RAD51B: variants seen among roughly 807,000 people sequenced by gnomAD.
RAD51B encodes DNA repair protein RAD51 homolog 2.
In RAD51B, 38 loss-of-function variants were observed where a neutral mutation model predicts 42.2. The ratio of observed to expected loss-of-function variants is 0.90; its 90% CI spans 0.70 to 1.18. The LOEUF (loss-of-function observed/expected upper bound fraction) is 1.18, where lower values mean the gene tolerates loss of function less well. RAD51B is among the 50% of genes most tolerant of loss of function. The pLI is 0.00. For synonymous variants in RAD51B, 154 were observed against 145.2 expected, an observed-to-expected ratio of 1.06 and a Z score of -0.43; for missense variants, 373 against 400.7, an observed-to-expected ratio of 0.93 and a Z score of 0.59.
At chr14:68,596,805 G>T (rs1169815025), downstream of RAD51B, among the ~76,000 whole-genome samples, 2 of 152,232 alleles carry the variant, frequency 1.3e-5, no homozygotes, top group Non-Finnish European at 2.9e-5. Flanking sequence ...ACAGCACTGC[G>T]AATGTTCCAG....
chr14:67,938,633 G>A (rs574879741), intron 7 of RAD51B, among the ~76,000 whole-genome samples: 1 of 152,220 alleles, frequency 6.6e-6, no homozygotes, highest in African/African-American at 2.4e-5. Context: ...CAGTCATTTT[G>A]TGTATAGTTT....
At chr14:67,990,765 T>A (rs926132170) in intron 7 of RAD51B, among the ~76,000 whole-genome samples, 1 of 152,212 alleles carries the variant, frequency 6.6e-6, no homozygotes, top group African/African-American at 2.4e-5. Flanking sequence ...GGATTTTTTT[T>A]AACTAAAAAT....
At chr14:68,158,799 A>G (rs1030587591) in intron 7 of RAD51B, among the ~76,000 whole-genome samples, 21 of 152,150 alleles carry the variant, frequency 1.4e-4, no homozygotes, top group Non-Finnish European at 2.6e-4. Flanking sequence ...TTTAATTTCT[A>G]TATCTGCTGA....
intron 5 of RAD51B, among the ~76,000 whole-genome samples, chr14:67,870,276 G>A (rs1391824783): frequency 6.6e-6 from 1 of 152,024 alleles, no homozygotes; most frequent in Admixed American, 6.6e-5. Context: ...AAAAGGCAGG[G>A]GTTGCAATCC....
intron 8 of RAD51B, among the ~76,000 whole-genome samples, chr14:68,327,371 T>TTG (rs1163706307): frequency 3.8e-5 from 3 of 78,458 alleles, no homozygotes; most frequent in African/African-American, 1.2e-4. Context: ...TTCAGTTTGT[T>TTG]TTTTTTTGTT....
intron 9 of RAD51B, among the ~76,000 whole-genome samples, chr14:68,443,012 C>T (rs1038342757): frequency 5.9e-5 from 9 of 152,190 alleles, no homozygotes; most frequent in Non-Finnish European, 1.2e-4. Flanking sequence ...CCCTGTGTTC[C>T]ACTCTCCCAG....
intron 7 of RAD51B, among the ~76,000 whole-genome samples, chr14:67,928,317 T>G (rs1259815397): frequency 1.3e-5 from 2 of 152,052 alleles, no homozygotes; most frequent in Non-Finnish European, 2.9e-5. Flanking sequence ...GTGGAGTGAT[T>G]TTAAGGAGCG....
chr14:67,991,552 A>G lies in RAD51B; in HGVS notation c.756+104348A>G, dbSNP rs551279952. Reference sequence around the variant, plus strand: ...GTTATGTTGTTATGCAGCTGGCTGAACAGCCATCTGAAAGAGTGATATTTA... The same window carrying G: ...GTTATGTTGTTATGCAGCTGGCTGAGCAGCCATCTGAAAGAGTGATATTTA... On this transcript the variant is annotated intron_variant, in intron 7 of 10. Coordinates refer to ENST00000471583, the MANE Select transcript of RAD51B (RefSeq NM_133510.4). Among the ~76,000 whole-genome samples, 4 of 152,348 alleles carry G rather than the reference A, an allele frequency of 2.6e-5. No individual in the cohort carries two copies. The East Asian group carries it at 7.7e-4, about 29-fold the overall frequency.
At chr14:68,083,134 T>C (rs1304077483) in intron 7 of RAD51B, among the ~76,000 whole-genome samples, 1 of 152,208 alleles carries the variant, frequency 6.6e-6, no homozygotes, top group Non-Finnish European at 1.5e-5. Flanking sequence ...CAAATAGCGT[T>C]CATGAAAACG....
chr14:68,672,149 C>T (rs1296852042), intron 11 of RAD51B, among the ~76,000 whole-genome samples: 1 of 152,194 alleles, frequency 6.6e-6, no homozygotes. Context: ...GCTGGATATC[C>T]TGAGACCCAG....
intron 7 of RAD51B, among the ~76,000 whole-genome samples, chr14:68,057,074 A>G (rs1034335873): frequency 1.0e-4 from 15 of 150,740 alleles, no homozygotes; most frequent in African/African-American, 3.6e-4. Flanking sequence ...GGACAACAAG[A>G]GTGAAACTCC....
chr14:68,062,162 T>C (rs2076577408), intron 7 of RAD51B, among the ~76,000 whole-genome samples: 3 of 152,246 alleles, frequency 2.0e-5, no homozygotes, highest in Admixed American at 2.0e-4. Context: ...TGATCTTTTT[T>C]TGTTATTTAT....
chr14:68,429,680 T>G (rs1057331873), intron 9 of RAD51B, among the ~76,000 whole-genome samples: 2 of 152,236 alleles, frequency 1.3e-5, no homozygotes, highest in Non-Finnish European at 2.9e-5. Context: ...TGCAAAAATT[T>G]TCTCCCATTC....
Position 68,051,853 on chromosome 14 carries a change from C to T in RAD51B, c.756+164649C>T, listed in dbSNP as rs570957936. Among the ~76,000 whole-genome samples the T allele has an allele frequency of 1.9e-4, 28 of 149,812 alleles. No individual in the cohort carries two copies. In the South Asian group the frequency reaches 3.8e-3, roughly 20 times the overall value. On this transcript the variant is annotated intron_variant, in intron 7 of 10. Coordinates refer to ENST00000471583, the MANE Select transcript of RAD51B (RefSeq NM_133510.4). The stretch of plus-strand genomic sequence containing the variant: ...CCTGGCCTCAAGCGATTCTCCCATA[C>T]GCATATATATCCTCCCACATATGTG...
chr14:67,993,420 CACAA>C (rs1477095854), intron 7 of RAD51B, among the ~76,000 whole-genome samples: 1 of 152,126 alleles, frequency 6.6e-6, no homozygotes, highest in Non-Finnish European at 1.5e-5. Context: ...TTTTAGCTCC[CACAA>C]ACAACTGATA....
intron 8 of RAD51B, among the ~76,000 whole-genome samples, chr14:68,305,398 G>A (rs1174982232): frequency 2.6e-5 from 4 of 152,200 alleles, no homozygotes; most frequent in Non-Finnish European, 5.9e-5. Context: ...AGTTTTATCT[G>A]GTTGGAACCC....
intron 4 of RAD51B, among the ~76,000 whole-genome samples, chr14:67,861,730 T>TA (rs2042170784): frequency 6.6e-6 from 1 of 152,174 alleles, no homozygotes; most frequent in Admixed American, 6.5e-5. Flanking sequence ...GCAACACTGT[T>TA]ACTTCATTTC....
downstream of RAD51B, among the ~76,000 whole-genome samples, chr14:68,596,469 A>C (rs916918982): frequency 2.6e-5 from 4 of 152,174 alleles, no homozygotes; most frequent in African/African-American, 9.6e-5. Context: ...TGGGGAGAAC[A>C]ATGGCCCTTC....
chr14:68,190,439 A>G (rs189012649), intron 7 of RAD51B, among the ~76,000 whole-genome samples: 1 of 152,330 alleles, frequency 6.6e-6, no homozygotes, highest in Non-Finnish European at 1.5e-5. Context: ...TTTTAAATGT[A>G]TAGAAAAACA....
Sources: gnomAD v4.1 joint callset for allele counts (sites outside exome capture counted in the v4.1 genomes callset) on GRCh38, gnomAD v4.1.1 for gene constraint, MANE v1.5 for transcripts, NCBI Gene and HGNC (gene_info 2026-07-23, HGNC 2026-07-21) for gene names.